The following PDXP variants were observed in gnomAD, a reference collection of about 807,000 sequenced individuals.
The protein encoded by PDXP is pyridoxal phosphatase.
A neutral mutation model predicts 14.4 loss-of-function variants in PDXP; 15 were observed. The observed-to-expected ratio is 1.04, with a 90% confidence interval of 0.70 to 1.60. The LOEUF (loss-of-function observed/expected upper bound fraction) is 1.60, where lower values mean the gene tolerates loss of function less well. Ranked by LOEUF, PDXP falls within the 40% of genes most tolerant of loss-of-function variation. The probability of loss-of-function intolerance (pLI) is 0.00; values close to 1 mark genes in which losing one functional copy is unlikely to be tolerated. For synonymous variants in PDXP, 233 were observed against 205.6 expected, an observed-to-expected ratio of 1.13 and a Z score of -1.14; for missense variants, 413 against 427.6, an observed-to-expected ratio of 0.97 and a Z score of 0.30.
chr22:37,659,176 G>A lies in PDXP; in HGVS notation c.394G>A (p.Asp132Asn). Reference sequence around the variant, plus strand: ...CGCCGCGGGGCTGCGCCTGGCCGGGGACCCGAGCGCGGGGGACGGCGCGGC... The same window carrying A: ...CGCCGCGGGGCTGCGCCTGGCCGGGAACCCGAGCGCGGGGGACGGCGCGGC... ...LRAAGLRLAG[D>N]PSAGDGAAPR... Residue 132 changes from aspartate (D) to asparagine (N), a missense_variant, in exon 1 of 2, where the codon GAC (aspartate) becomes AAC (asparagine). Coordinates refer to ENST00000215904, the MANE Select transcript of PDXP (RefSeq NM_020315.5). The A allele has an allele frequency of 8.5e-7, 1 of 1,172,382 alleles. No homozygotes were observed. Among genetic ancestry groups the A allele is most frequent in the African/African-American group, 1.6e-5 (1 of 62,050 alleles). The allele number at this position is 1,172,382 out of a possible 1,614,324, so 72.6% of individuals were successfully genotyped here. A position where few individuals can be genotyped will look rare whatever the true frequency, so the allele number is the denominator to read the frequency against.
chr22:37,665,680 C>T lies in PDXP; in HGVS notation c.700C>T (p.Leu234Phe). 6.2e-7 allele frequency: 1 copy of T among 1,614,156 alleles called. No homozygotes were observed. The highest frequency in any genetic ancestry group is 8.5e-7 in the Non-Finnish European group (1 of 1,180,034). ...ENFSIDPART[L>F]MVGDRLETDI... is the part of the protein sequence containing the mutation. Reference sequence around the variant, plus strand: ...CTTCAGCATCGACCCCGCACGCACGCTTATGGTGGGTGACCGCCTGGAGAC... The same window carrying T: ...CTTCAGCATCGACCCCGCACGCACGTTTATGGTGGGTGACCGCCTGGAGAC... Residue 234 changes from leucine (L) to phenylalanine (F), a missense_variant, in exon 2 of 2, where the codon CTT (leucine) becomes TTT (phenylalanine). Physicochemically the swap from Leu to Phe is conservative, Grantham distance 22. Coordinates refer to ENST00000215904, the MANE Select transcript of PDXP (RefSeq NM_020315.5).
chr22:37,658,733 C>A lies in PDXP; in HGVS notation c.-50C>A, dbSNP rs989001497. On this transcript the variant is annotated 5_prime_UTR_variant, in exon 1 of 2. Coordinates refer to ENST00000215904, the MANE Select transcript of PDXP (RefSeq NM_020315.5). Reference sequence around the variant, plus strand: ...GTGGAACGTGCCAGGGAGAGCGCGCCGTGCCCGCGGAGAGAGCGCGGCGCG... The same window carrying A: ...GTGGAACGTGCCAGGGAGAGCGCGCAGTGCCCGCGGAGAGAGCGCGGCGCG... 16 of 1,095,298 alleles carry A rather than the reference C, an allele frequency of 1.5e-5. No individual in the cohort carries two copies. The highest frequency in any genetic ancestry group is 3.7e-4 in the Middle Eastern group (1 of 2,684). The allele number at this position is 1,095,298 out of a possible 1,614,324, so 67.8% of individuals were successfully genotyped here.
chr22:37,665,972 G>A lies in PDXP; in HGVS notation c.*101G>A. 8.0e-7 allele frequency: 1 copy of A among 1,255,026 alleles called. No individual in the cohort carries two copies. Among genetic ancestry groups the A allele is most frequent in the Non-Finnish European group, 1.1e-6 (1 of 896,160 alleles). The allele number at this position is 1,255,026 out of a possible 1,614,324, so 77.7% of individuals were successfully genotyped here. A position where few individuals can be genotyped will look rare whatever the true frequency, so the allele number is the denominator to read the frequency against. On this transcript the variant is annotated 3_prime_UTR_variant, in exon 2 of 2. Coordinates refer to ENST00000215904, the MANE Select transcript of PDXP (RefSeq NM_020315.5). The stretch of plus-strand genomic sequence containing the variant: ...CCATGTTAAGCACAACCGGCTCCTT[G>A]GTCCAGTTCTGCACCGGGGTGGGGC...
At chr22:37,661,576 C>T (rs915517983) in intron 1 of PDXP, among the ~76,000 whole-genome samples, 3 of 152,158 alleles carry the variant, frequency 2.0e-5, no homozygotes, top group Non-Finnish European at 2.9e-5. Context: ...CGGTGGATTA[C>T]AGAGTGGAGG....
chr22:37,659,103 G>C lies in PDXP; in HGVS notation c.321G>C (p.Pro107=), dbSNP rs977188726. Residue 107 remains proline (P), a synonymous_variant, in exon 1 of 2, where the codon CCG becomes CCC. Transcript: ENST00000215904. ...RQRLPGPPDA[P]GAVFVLGGEG... ...GCCTGCCCGGGCCTCCGGACGCGCC[G>C]GGCGCCGTGTTCGTGCTGGGCGGCG... 1 of 1,043,998 alleles carries C rather than the reference G, an allele frequency of 9.6e-7. No homozygotes were observed. The highest frequency in any genetic ancestry group is 1.1e-6 in the Non-Finnish European group (1 of 870,134). The allele number at this position is 1,043,998 out of a possible 1,614,324, so 64.7% of individuals were successfully genotyped here. A position where few individuals can be genotyped will look rare whatever the true frequency, so the allele number is the denominator to read the frequency against.
At position 37,659,235 on chromosome 22, in the gene PDXP, C is replaced by T. The variant is rs778106406; in HGVS notation, c.453C>T (p.Asp151=). The part of the protein sequence containing the change: ...PRVRAVLVGY[D]EHFSFAKLRE... ...TGCGCGCCGTGCTTGTGGGCTACGACGAGCACTTCTCCTTCGCCAAGCTGA... is the reference window on the plus strand; with the variant it reads ...TGCGCGCCGTGCTTGTGGGCTACGATGAGCACTTCTCCTTCGCCAAGCTGA... Residue 151 remains aspartate, a synonymous_variant, in exon 1 of 2, where the codon GAC becomes GAT. Transcript: ENST00000215904. 18 of 1,321,380 alleles carry T rather than the reference C, an allele frequency of 1.4e-5. No homozygotes were observed. The highest frequency in any genetic ancestry group is 5.7e-5 in the Admixed American group (2 of 35,162). 81.9% of individuals were successfully genotyped at this position (1,321,380 alleles called of 1,614,324 possible). A position where few individuals can be genotyped will look rare whatever the true frequency, so the allele number is the denominator to read the frequency against.
chr22:37,663,099 G>A (rs963917114), intron 1 of PDXP, among the ~76,000 whole-genome samples: 2 of 151,848 alleles, frequency 1.3e-5, no homozygotes, highest in South Asian at 4.2e-4. Context: ...AGGAGATCAA[G>A]ACCATCCTGG....
intron 1 of PDXP, among the ~76,000 whole-genome samples, chr22:37,663,913 C>T (rs931076979): frequency 3.7e-5 from 5 of 134,674 alleles, no homozygotes; most frequent in Non-Finnish European, 7.7e-5. Flanking sequence ...GCCTGGAATA[C>T]GTTGACTTTT....
In PDXP at chr22:37,665,874, C is replaced by T. The variant is rs1921063663; in HGVS notation, c.*3C>T. On this transcript the variant is annotated 3_prime_UTR_variant, in exon 2 of 2. Coordinates refer to ENST00000215904, the MANE Select transcript of PDXP (RefSeq NM_020315.5). ...TGACAGAGGGGTTGGAGGACTGAGC[C>T]CACTGCACCTGCAGCCACAGGCCCA... The T allele has an allele frequency of 3.7e-6, 6 of 1,608,826 alleles. No individual in the cohort carries two copies. Among genetic ancestry groups the T allele is most frequent in the Non-Finnish European group, 5.1e-6 (6 of 1,176,166 alleles).
chr22:37,664,733 C>CT (rs1455586118), intron 1 of PDXP, among the ~76,000 whole-genome samples: 10 of 152,186 alleles, frequency 6.6e-5, no homozygotes, highest in African/African-American at 2.4e-4. Flanking sequence ...GCACAGTGGA[C>CT]TTATTGTGTG....
Position 37,659,133 on chromosome 22 carries a change from G to C in PDXP, c.351G>C (p.Gly117=). The C allele has an allele frequency of 2.0e-6, 2 of 1,017,112 alleles. No individual in the cohort carries two copies. Among genetic ancestry groups the C allele is most frequent in the Non-Finnish European group, 2.3e-6 (2 of 852,780 alleles). The allele number at this position is 1,017,112 out of a possible 1,614,324, so 63.0% of individuals were successfully genotyped here. A position where few individuals can be genotyped will look rare whatever the true frequency, so the allele number is the denominator to read the frequency against. ...PGAVFVLGGE[G]LRAELRAAGL... is the part of the protein sequence containing the mutation. ...CCGTGTTCGTGCTGGGCGGCGAGGG[G>C]CTGCGCGCCGAGCTGCGCGCCGCGG... Residue 117 remains glycine (G), a synonymous_variant, in exon 1 of 2, where the codon GGG becomes GGC. Coordinates refer to ENST00000215904, the MANE Select transcript of PDXP (RefSeq NM_020315.5).
At chr22:37,665,247 T>G (rs893272808) in intron 1 of PDXP, 1 of 435,062 alleles carries the variant, frequency 2.3e-6, no homozygotes, top group Admixed American at 4.0e-5. Flanking sequence ...TTACCTGCAG[T>G]AGCTCCACGC....
chr22:37,665,826 C>G lies in PDXP; in HGVS notation c.846C>G (p.Tyr282Ter). Residue 282 changes from tyrosine (Y) to a stop codon, truncating the protein, a stop_gained, in exon 2 of 2, where the codon TAC becomes TAG. Transcript: ENST00000215904. LOFTEE classifies it high-confidence loss of function. Reference protein sequence around the residue: ...AAGQHDLVPHYYVESIADLTE... With the variant: ...AAGQHDLVPH ...GCCAGCACGACCTCGTGCCCCATTA[C>G]TATGTGGAGAGCATCGCAGACTTGA... The G allele has an allele frequency of 6.2e-7, 1 of 1,614,016 alleles. No individual in the cohort carries two copies. The highest frequency in any genetic ancestry group is 8.5e-7 in the Non-Finnish European group (1 of 1,180,032).
chr22:37,665,949 A>C lies in PDXP; in HGVS notation c.*78A>C, dbSNP rs1273962391. ...AGGTGGAGGCGATGGGTCACGAGCC[A>C]TGTTAAGCACAACCGGCTCCTTGGT... is the stretch of plus-strand genomic sequence containing the variant. On this transcript the variant is annotated 3_prime_UTR_variant, in exon 2 of 2. Coordinates refer to ENST00000215904, the MANE Select transcript of PDXP (RefSeq NM_020315.5). 7.0e-7 allele frequency: 1 copy of C among 1,418,898 alleles called. No homozygotes were observed. Among genetic ancestry groups the C allele is most frequent in the Non-Finnish European group, 9.7e-7 (1 of 1,031,234 alleles). 87.9% of individuals were successfully genotyped at this position (1,418,898 alleles called of 1,614,324 possible).
chr22:37,663,841 G>A lies in PDXP; in HGVS notation c.575-1714G>A, dbSNP rs117185322. On this transcript the variant is annotated intron_variant, in intron 1 of 1. Coordinates refer to ENST00000215904, the MANE Select transcript of PDXP (RefSeq NM_020315.5). ...GAGGCCAATAATTTTTTTATTTTTC[G>A]TAGAGACGGGGTTTCATGGTGCAGG... Among the ~76,000 whole-genome samples, 1,115 of 151,376 alleles carry A rather than the reference G, an allele frequency of 7.4e-3. 8 individuals carry two copies. Among genetic ancestry groups the A allele is most frequent in the Non-Finnish European group, 0.01 (702 of 67,840 alleles).
rs554119457 is a variant in PDXP at position 37,665,987 on chromosome 22, C to T, written c.*116C>T. 38 of 1,110,916 alleles carry T rather than the reference C, an allele frequency of 3.4e-5. No homozygotes were observed. Among genetic ancestry groups the T allele is most frequent in the South Asian group, 1.3e-4 (8 of 63,574 alleles). 68.8% of individuals were successfully genotyped at this position (1,110,916 alleles called of 1,614,324 possible). A position where few individuals can be genotyped will look rare whatever the true frequency, so the allele number is the denominator to read the frequency against. On this transcript the variant is annotated 3_prime_UTR_variant, in exon 2 of 2. Transcript: ENST00000215904. The stretch of plus-strand genomic sequence containing the variant: ...CCGGCTCCTTGGTCCAGTTCTGCAC[C>T]GGGGTGGGGCTGGGACCCGGGGAAG...
intron 1 of PDXP, among the ~76,000 whole-genome samples, chr22:37,660,437 C>G (rs752523634): frequency 6.6e-6 from 1 of 152,156 alleles, no homozygotes; most frequent in Non-Finnish European, 1.5e-5. Flanking sequence ...AGTGATAGAG[C>G]GCGGGAACCT....
At chr22:37,661,222 T>G (rs756437094) in intron 1 of PDXP, among the ~76,000 whole-genome samples, 24 of 152,138 alleles carry the variant, frequency 1.6e-4, no homozygotes, top group Non-Finnish European at 2.5e-4. Context: ...GCCACCTGGC[T>G]GTGCCCACCC....
rs147320689 is a variant in PDXP at position 37,665,675 on chromosome 22, G to T, written c.695G>T (p.Arg232Leu). 120 of 1,613,976 alleles carry T rather than the reference G, an allele frequency of 7.4e-5. No individual in the cohort carries two copies. Among genetic ancestry groups the T allele is most frequent in the Middle Eastern group, 4.9e-4 (3 of 6,084 alleles). Residue 232 changes from arginine to leucine, a missense_variant, in exon 2 of 2, where the codon CGC becomes CTC. Coordinates refer to ENST00000215904, the MANE Select transcript of PDXP (RefSeq NM_020315.5). Reference protein sequence around the residue: ...ITENFSIDPARTLMVGDRLET... With the variant: ...ITENFSIDPALTLMVGDRLET... ...GAGAACTTCAGCATCGACCCCGCAC[G>T]CACGCTTATGGTGGGTGACCGCCTG...
Sources: allele counts gnomAD v4.1 joint callset (sites outside exome capture counted in the v4.1 genomes callset), GRCh38; gene constraint gnomAD v4.1.1; transcripts MANE v1.5; gene names NCBI Gene and HGNC (gene_info 2026-07-23, HGNC 2026-07-21).